CIB1: variants seen among roughly 807,000 people sequenced by gnomAD.
CIB1 encodes calcium and integrin binding 1.
A neutral mutation model predicts 25.0 loss-of-function variants in CIB1; 19 were observed. The ratio of observed to expected loss-of-function variants is 0.76; its 90% CI spans 0.53 to 1.12. The LOEUF is 1.12. Ranked by LOEUF, CIB1 falls within the 50% of genes most tolerant of loss-of-function variation. The probability of loss-of-function intolerance (pLI) is 0.00; values close to 1 mark genes in which losing one functional copy is unlikely to be tolerated. For synonymous variants in CIB1, 104 were observed against 98.5 expected, an observed-to-expected ratio of 1.06 and a Z score of -0.33; for missense variants, 236 against 242.6, an observed-to-expected ratio of 0.97 and a Z score of 0.18.
chr15:90,262,071 T>C, the CIB1 span: 1 of 1,535,984 alleles, frequency 6.5e-7, no homozygotes, highest in Non-Finnish European at 8.7e-7. Flanking sequence ...GATTCTCACC[T>C]GGGAAAATAC....
upstream of CIB1, chr15:90,236,280 G>T (rs759273589): frequency 6.6e-6 from 1 of 152,092 alleles, no homozygotes; most frequent in Non-Finnish European, 1.5e-5. Flanking sequence ...TCAGGTGATC[G>T]CCTGTCTTGG....
chr15:90,241,332 C>T, the CIB1 span: 2 of 1,614,098 alleles, frequency 1.2e-6, no homozygotes, highest in Admixed American at 1.7e-5. Flanking sequence ...GCACCGGGAG[C>T]CTGATCTCCC....
the CIB1 span, among the ~76,000 whole-genome samples, chr15:90,248,760 T>TAAAAAA: frequency 4.0e-5 from 2 of 49,418 alleles, no homozygotes; most frequent in African/African-American, 1.3e-4. Flanking sequence ...AAAAAAAAAG[T>TAAAAAA]CCATGTCTTT....
At chr15:90,240,626 A>G in the CIB1 span, among the ~76,000 whole-genome samples, 1 of 152,158 alleles carries the variant, frequency 6.6e-6, no homozygotes, top group Non-Finnish European at 1.5e-5. Flanking sequence ...CAGCCTGGCC[A>G]ACATGGTGAA....
chr15:90,256,060 A>C, the CIB1 span: 1 of 1,567,250 alleles, frequency 6.4e-7, no homozygotes, highest in African/African-American at 1.4e-5. Flanking sequence ...AGCATGGACT[A>C]GATAGCAGGA....
chr15:90,233,312 T>C (rs998570065), intron 2 of CIB1, among the ~76,000 whole-genome samples: 8 of 152,238 alleles, frequency 5.3e-5, no homozygotes, highest in African/African-American at 1.9e-4. Flanking sequence ...CAGGTAAAGT[T>C]GGGAGAAGGA....
At chr15:90,257,418 G>C in the CIB1 span, 1 of 1,317,584 alleles carries the variant, frequency 7.6e-7, no homozygotes, top group Non-Finnish European at 1.0e-6. Context: ...ATCTAGCTGG[G>C]AGGCAAGTGT....
At chr15:90,235,792 T>A (rs985688199), upstream of CIB1, among the ~76,000 whole-genome samples, 3 of 151,842 alleles carry the variant, frequency 2.0e-5, no homozygotes, top group Non-Finnish European at 2.9e-5. Context: ...ATGGTCTGGA[T>A]CTCCTGACCT....
chr15:90,237,798 A>G (rs1962667380), upstream of CIB1, among the ~76,000 whole-genome samples: 1 of 152,098 alleles, frequency 6.6e-6, no homozygotes, highest in Admixed American at 6.6e-5. Flanking sequence ...AGAATAAGAT[A>G]CTACATTAGT....
At chr15:90,258,498 G>T in the CIB1 span, 1 of 615,932 alleles carries the variant, frequency 1.6e-6, no homozygotes. Flanking sequence ...GGGATCCCCA[G>T]TGCCCTAATG....
At chr15:90,253,473 C>A in the CIB1 span, 1 of 649,326 alleles carries the variant, frequency 1.5e-6, no homozygotes, top group South Asian at 3.0e-5. Flanking sequence ...TGGCTGTCCC[C>A]TTGTGCAGAC....
chr15:90,255,848 TACA>T, the CIB1 span: 77 of 1,613,976 alleles, frequency 4.8e-5, no homozygotes, highest in East Asian at 3.3e-4. Flanking sequence ...TCCCTCTGAG[TACA>T]ACATCTTCCC....
At chr15:90,234,737 C>G (rs1390835434), upstream of CIB1, 1 of 152,284 alleles carries the variant, frequency 6.6e-6, no homozygotes, top group Non-Finnish European at 1.5e-5. Flanking sequence ...ATCATTCCAG[C>G]TGACCTGCCG....
chr15:90,253,795 G>A, the CIB1 span, among the ~76,000 whole-genome samples: 1 of 152,172 alleles, frequency 6.6e-6, no homozygotes, highest in South Asian at 2.1e-4. Context: ...AGAAATTCAG[G>A]AATGATCCAC....
chr15:90,230,366 C>A lies in CIB1; in HGVS notation c.*118G>T. ...CCCTGCCCGGGGTGAGGCTGCACAGCGCCAGCTCCAGGCTGGGCCAGCTTG... is the reference window on the plus strand; with the variant it reads ...CCCTGCCCGGGGTGAGGCTGCACAGAGCCAGCTCCAGGCTGGGCCAGCTTG... On this transcript the variant is annotated 3_prime_UTR_variant, in exon 7 of 7. Transcript: ENST00000328649. 8.2e-7 allele frequency: 1 copy of A among 1,222,222 alleles called. No homozygotes were observed. Among genetic ancestry groups the A allele is most frequent in the Non-Finnish European group, 1.2e-6 (1 of 860,040 alleles). The allele number at this position is 1,222,222 out of a possible 1,614,324, so 75.7% of individuals were successfully genotyped here. A position where few individuals can be genotyped will look rare whatever the true frequency, so the allele number is the denominator to read the frequency against.
At chr15:90,247,983 C>T in the CIB1 span, among the ~76,000 whole-genome samples, 1 of 151,888 alleles carries the variant, frequency 6.6e-6, no homozygotes, top group African/African-American at 2.4e-5. Flanking sequence ...CCTGGTGATC[C>T]GCCCACCTTG....
the CIB1 span, chr15:90,253,295 T>C: frequency 4.3e-6 from 7 of 1,613,664 alleles, no homozygotes; most frequent in Non-Finnish European, 5.1e-6. Context: ...TGGGGGAGGA[T>C]GAAGAGTGGA....
At chr15:90,241,133 G>GT in the CIB1 span, 1 of 1,614,182 alleles carries the variant, frequency 6.2e-7, no homozygotes, top group South Asian at 1.1e-5. Context: ...AGCTGGGGCT[G>GT]TTTCGCTACC....
chr15:90,259,036 T>C, the CIB1 span: 1 of 1,577,276 alleles, frequency 6.3e-7, no homozygotes, highest in Admixed American at 1.8e-5. Context: ...AAAAACAACT[T>C]TTTGCATAGA....
Sources: allele counts gnomAD v4.1 joint callset (sites outside exome capture counted in the v4.1 genomes callset), GRCh38; gene constraint gnomAD v4.1.1; transcripts MANE v1.5; gene names NCBI Gene and HGNC (gene_info 2026-07-23, HGNC 2026-07-21).